The following SERINC5 variants were observed in gnomAD, a reference collection of about 807,000 sequenced individuals.
SERINC5 encodes the protein chromosome 5 open reading frame 12.
Under a neutral mutation model 63.1 loss-of-function variants are expected in SERINC5, and 41 were observed. That is an observed-to-expected ratio of 0.65 (90% CI 0.51 to 0.84). The LOEUF (loss-of-function observed/expected upper bound fraction) is 0.84. Among genes scored for constraint, SERINC5 ranks in the 40% least tolerant of loss-of-function variants. SERINC5 has a pLI of 0.00. For synonymous variants in SERINC5, 222 were observed against 215.2 expected (o/e 1.03, Z -0.28); for missense variants, 523 against 573.0 (o/e 0.91, Z 0.89).
chr5:80,143,920 TAC>T (rs1380703279), intron 11 of SERINC5, 110 bp from the exon 12 acceptor site: 1 of 1,268,872 alleles, frequency 7.9e-7, no homozygotes, highest in Admixed American at 2.2e-5. Flanking sequence ...AATGTATTCA[TAC>T]ACAGACTTGT....
At chr5:80,165,451 T>C (rs762360599) in intron 7 of SERINC5, among the ~76,000 whole-genome samples, 3 of 152,338 alleles carry the variant, frequency 2.0e-5, no homozygotes, top group East Asian at 1.9e-4. Context: ...CTTATGTGTA[T>C]GTATGTATAT....
At chr5:80,187,855 AC>A (rs1748916661) in intron 2 of SERINC5, among the ~76,000 whole-genome samples, 1 of 152,236 alleles carries the variant, frequency 6.6e-6, no homozygotes, top group Non-Finnish European at 1.5e-5. Flanking sequence ...CTCTAAGCAA[AC>A]CGTTATACAA....
At chr5:80,192,177 G>A (rs960579455) in intron 2 of SERINC5, among the ~76,000 whole-genome samples, 7 of 152,152 alleles carry the variant, frequency 4.6e-5, no homozygotes, top group African/African-American at 7.2e-5. Flanking sequence ...CCACCCCTGC[G>A]CTACTAGGAA....
At chr5:80,135,919 A>T (rs1158352307), downstream of SERINC5, among the ~76,000 whole-genome samples, 1 of 152,064 alleles carries the variant, frequency 6.6e-6, no homozygotes, top group Non-Finnish European at 1.5e-5. Flanking sequence ...ATTCAGAGTC[A>T]GAAAGTAGGA....
chr5:80,205,366 C>T (rs941382275), intron 1 of SERINC5, among the ~76,000 whole-genome samples: 2 of 152,166 alleles, frequency 1.3e-5, no homozygotes, highest in East Asian at 3.8e-4. Flanking sequence ...CAACCCTAGA[C>T]GGTTTCAAAA....
intron 2 of SERINC5, among the ~76,000 whole-genome samples, chr5:80,182,533 A>C (rs1017064443): frequency 8.8e-5 from 11 of 125,188 alleles, no homozygotes; most frequent in African/African-American, 3.3e-4. Context: ...ATAAGCTTCT[A>C]TCATCTGACC....
At chr5:80,149,970 T>C (rs1269875816) in intron 9 of SERINC5, among the ~76,000 whole-genome samples, 2 of 152,190 alleles carry the variant, frequency 1.3e-5, no homozygotes, top group Admixed American at 6.5e-5. Flanking sequence ...TGTTGACTGA[T>C]AGGCATCTGC....
At position 80,139,140 on chromosome 5, in the gene SERINC5, G is replaced by GT; in HGVS notation, c.*4522dup. On this transcript the variant is annotated 3_prime_UTR_variant, in exon 12 of 12. Coordinates refer to ENST00000507668, the MANE Select transcript of SERINC5 (RefSeq NM_001174072.3). ...TTTTCAAATTCTAATGTAGCAAAACGTAACCACATAATTTGGCTACAGCTA... is the reference window on the plus strand; with the variant it reads ...TTTTCAAATTCTAATGTAGCAAAACGTTAACCACATAATTTGGCTACAGCTA... The GT allele has an allele frequency of 2.0e-6, 2 of 985,062 alleles. No homozygotes were observed. Among genetic ancestry groups the GT allele is most frequent in the African/African-American group, 3.5e-5 (2 of 57,312 alleles). 61.0% of individuals were successfully genotyped at this position (985,062 alleles called of 1,614,324 possible).
intron 1 of SERINC5, among the ~76,000 whole-genome samples, chr5:80,226,596 G>A (rs1166453609): frequency 6.6e-6 from 1 of 152,136 alleles, no homozygotes; most frequent in Non-Finnish European, 1.5e-5. Flanking sequence ...CCCTTGTGAG[G>A]GCTAGTCCTG....
At chr5:80,136,300 A>C (rs1745174100), downstream of SERINC5, among the ~76,000 whole-genome samples, 1 of 151,998 alleles carries the variant, frequency 6.6e-6, no homozygotes, top group Non-Finnish European at 1.5e-5. Context: ...AAAATGCTTT[A>C]CTCTAATTCT....
At chr5:80,130,675 G>A (rs1462639254) in intron 11 of SERINC5, among the ~76,000 whole-genome samples, 1 of 152,146 alleles carries the variant, frequency 6.6e-6, no homozygotes, top group Non-Finnish European at 1.5e-5. Flanking sequence ...CCTAAATAGA[G>A]TTTAGACATT....
intron 1 of SERINC5, among the ~76,000 whole-genome samples, chr5:80,241,100 T>C (rs1306500449): frequency 6.6e-6 from 1 of 152,192 alleles, no homozygotes; most frequent in Non-Finnish European, 1.5e-5. Context: ...TTGGTTTCCA[T>C]CACTAATGAT....
intron 7 of SERINC5, among the ~76,000 whole-genome samples, chr5:80,162,690 T>C (rs1477361871): frequency 6.6e-6 from 1 of 152,176 alleles, no homozygotes; most frequent in African/African-American, 2.4e-5. Flanking sequence ...TTTAAGTTTT[T>C]CATCAATGTT....
chr5:80,127,648 T>A (rs1744795424), intron 11 of SERINC5, among the ~76,000 whole-genome samples: 1 of 152,106 alleles, frequency 6.6e-6, no homozygotes, highest in Non-Finnish European at 1.5e-5. Context: ...ATATTTAAAT[T>A]ATATGTTTTA....
At chr5:80,230,942 A>G (rs772342779) in intron 1 of SERINC5, among the ~76,000 whole-genome samples, 3 of 152,092 alleles carry the variant, frequency 2.0e-5, no homozygotes, top group Non-Finnish European at 2.9e-5. Context: ...CCTCCCGAGT[A>G]GCTGGAACTA....
chr5:80,218,311 T>C (rs1398049476), intron 1 of SERINC5, among the ~76,000 whole-genome samples: 2 of 152,100 alleles, frequency 1.3e-5, no homozygotes, highest in African/African-American at 4.8e-5. Context: ...GAGGCCAAGG[T>C]GGGCGGATCA....
intron 11 of SERINC5, among the ~76,000 whole-genome samples, chr5:80,116,489 C>A (rs1381856723): frequency 2.6e-5 from 4 of 152,004 alleles, no homozygotes; most frequent in Non-Finnish European, 5.9e-5. Context: ...ATCTCCATAC[C>A]CCTCCTTCCC....
At position 80,140,119 on chromosome 5, in the gene SERINC5, C is replaced by T; in HGVS notation, c.*3544G>A. 1.1e-6 allele frequency: 1 copy of T among 902,006 alleles called. No individual in the cohort carries two copies. Among genetic ancestry groups the T allele is most frequent in the Non-Finnish European group, 1.3e-6 (1 of 754,352 alleles). The allele number at this position is 902,006 out of a possible 1,614,324, so 55.9% of individuals were successfully genotyped here. ...CCAAGGCGGGCACATTGCTTGAGCTCAGGAGTTTGAGACCAGCCTGGACAA... is the reference window on the plus strand; with the variant it reads ...CCAAGGCGGGCACATTGCTTGAGCTTAGGAGTTTGAGACCAGCCTGGACAA... On this transcript the variant is annotated 3_prime_UTR_variant, in exon 12 of 12. Transcript: ENST00000507668.
intron 1 of SERINC5, among the ~76,000 whole-genome samples, chr5:80,242,586 C>T (rs1248657309): frequency 6.6e-6 from 1 of 152,120 alleles, no homozygotes; most frequent in African/African-American, 2.4e-5. Flanking sequence ...CTTGTCTCTA[C>T]TAAAAATACA....
Sources: gnomAD v4.1 joint callset for allele counts (sites outside exome capture counted in the v4.1 genomes callset) on GRCh38, gnomAD v4.1.1 for gene constraint, MANE v1.5 for transcripts, NCBI Gene and HGNC (gene_info 2026-07-23, HGNC 2026-07-21) for gene names.